The following SOBP variants were observed in gnomAD, a reference collection of about 807,000 sequenced individuals.
SOBP encodes the protein sine oculis binding protein homolog, also known as sine oculis-binding protein homolog.
In SOBP, 4 loss-of-function variants were observed where a neutral mutation model predicts 53.6. The ratio of observed to expected loss-of-function variants is 0.07; its 90% CI spans 0.04 to 0.17. SOBP has a LOEUF of 0.17. SOBP is among the 10% of genes least tolerant of loss of function. The probability of loss-of-function intolerance (pLI) is 1.00; values close to 1 mark genes in which losing one functional copy is unlikely to be tolerated. For synonymous variants in SOBP, 584 were observed against 522.6 expected (o/e 1.12, Z -1.60); for missense variants, 1,088 against 1,204.7 (o/e 0.90, Z 1.43).
chr6:107,634,479 C>T lies in SOBP; in HGVS notation c.1635C>T (p.His545=), dbSNP rs376863861. ...TCCCCATCCCCATCCCTATCCCTCA[C>T]GTCAGCGACTCCAAGCCCCCCAACG... ...VPIPIPIPIP[H]VSDSKPPNGF... The change falls in exon 6 of 7, where the codon CAC becomes CAT. Residue 545 remains histidine, a synonymous_variant. Coordinates refer to ENST00000317357, the MANE Select transcript of SOBP (RefSeq NM_018013.4). This position sits in a 1 kb window ranked among gnomAD's most constrained non-coding sequence, Gnocchi z 4.5. 1.2e-6 allele frequency: 2 copies of T among 1,611,568 alleles called. No individual in the cohort carries two copies. The highest frequency in any genetic ancestry group is 2.2e-5 in the East Asian group (1 of 44,818).
chr6:107,557,400 G>A (rs1460667763), intron 4 of SOBP, among the ~76,000 whole-genome samples: 1 of 152,172 alleles, frequency 6.6e-6, no homozygotes, highest in Non-Finnish European at 1.5e-5. Flanking sequence ...GCAGAAATTT[G>A]TTTTTGCTGT....
At chr6:107,627,898 TTAGTGTTGGTGTGCCC>T (rs1770532957) in intron 5 of SOBP, among the ~76,000 whole-genome samples, 1 of 152,216 alleles carries the variant, frequency 6.6e-6, no homozygotes, top group Non-Finnish European at 1.5e-5. Context: ...AATGGTGAGC[TTAGTGTTGGTGTGCCC>T]TTCCCCATTT....
At chr6:107,514,896 T>C (rs1272657907) in intron 3 of SOBP, 1 of 152,236 alleles carries the variant, frequency 6.6e-6, no homozygotes, top group East Asian at 1.9e-4. Flanking sequence ...ATATGTATAG[T>C]TATAACAGCC....
intron 4 of SOBP, among the ~76,000 whole-genome samples, chr6:107,536,548 G>A (rs1784002929): frequency 6.6e-6 from 1 of 152,162 alleles, no homozygotes; most frequent in African/African-American, 2.4e-5. Flanking sequence ...GGGTTTCTGT[G>A]TTTGTTTAAT....
intron 3 of SOBP, among the ~76,000 whole-genome samples, chr6:107,509,434 T>TA (rs2114954672): frequency 6.6e-6 from 1 of 150,386 alleles, no homozygotes; most frequent in East Asian, 1.9e-4. Context: ...AAAATGTGTG[T>TA]AAAGCCCTTA....
intron 5 of SOBP, among the ~76,000 whole-genome samples, chr6:107,613,783 C>T (rs1200680860): frequency 6.6e-6 from 1 of 152,132 alleles, no homozygotes; most frequent in Non-Finnish European, 1.5e-5. Flanking sequence ...CTGAATAAAT[C>T]AATTTATACT....
intron 3 of SOBP, among the ~76,000 whole-genome samples, chr6:107,519,005 ATG>A (rs1783406453): frequency 6.6e-6 from 1 of 151,738 alleles, no homozygotes; most frequent in South Asian, 2.1e-4. Context: ...TGAAATGCAA[ATG>A]TATCATAGTG....
chr6:107,521,568 C>T (rs538861867), intron 3 of SOBP, among the ~76,000 whole-genome samples: 2 of 152,276 alleles, frequency 1.3e-5, no homozygotes, highest in African/African-American at 4.8e-5. Flanking sequence ...ACCACCTAAG[C>T]CCATCTAAGG....
Position 107,509,388 on chromosome 6 carries a change from C to T in SOBP, c.421+2961C>T, listed in dbSNP as rs184119204. On this transcript the variant is annotated intron_variant, in intron 3 of 6. Coordinates refer to ENST00000317357, the MANE Select transcript of SOBP (RefSeq NM_018013.4). ...CAGCCTGGGCAACAAGAGTGAAACT[C>T]CTGTCTCAAAAAAAAAAAAAAACAA... Among the ~76,000 whole-genome samples, 702 of 148,834 alleles carry T rather than the reference C, an allele frequency of 4.7e-3. 1 individual carries two copies. Among genetic ancestry groups the T allele is most frequent in the Non-Finnish European group, 7.4e-3 (498 of 67,252 alleles).
At chr6:107,577,559 A>G (rs1785267982) in intron 4 of SOBP, among the ~76,000 whole-genome samples, 1 of 152,230 alleles carries the variant, frequency 6.6e-6, no homozygotes, top group South Asian at 2.1e-4. Flanking sequence ...AATACAGGAG[A>G]CAAGATAGCA....
rs376634612 is a variant in SOBP at position 107,552,152 on chromosome 6, G to A, written c.573+18542G>A. On this transcript the variant is annotated intron_variant, in intron 4 of 6. Coordinates refer to ENST00000317357, the MANE Select transcript of SOBP (RefSeq NM_018013.4). ...GGTTGGGGGCCTTCAATTTCTCACC[G>A]TTGGATGGATTCTCTTTGACCTTAA... Among the ~76,000 whole-genome samples the A allele has an allele frequency of 1.1e-4, 16 of 152,162 alleles. 1 individual carries two copies. The East Asian group carries it at 1.2e-3, about 11-fold the overall frequency.
At chr6:107,576,014 C>G (rs1785213919) in intron 4 of SOBP, among the ~76,000 whole-genome samples, 1 of 152,224 alleles carries the variant, frequency 6.6e-6, no homozygotes, top group Non-Finnish European at 1.5e-5. Flanking sequence ...TCACCTCCAT[C>G]TTCGCATTTG....
At chr6:107,548,653 AG>A (rs1356807396) in intron 4 of SOBP, among the ~76,000 whole-genome samples, 1 of 152,108 alleles carries the variant, frequency 6.6e-6, no homozygotes, top group Non-Finnish European at 1.5e-5. Context: ...TAGTGAATTA[AG>A]GGCTGGGTGC....
At chr6:107,652,563 A>G (rs558649978) in intron 6 of SOBP, among the ~76,000 whole-genome samples, 9 of 152,234 alleles carry the variant, frequency 5.9e-5, no homozygotes, top group Non-Finnish European at 7.3e-5. Context: ...GATTTAGACT[A>G]TTCCATAAAC....
At chr6:107,502,028 T>C (rs894377227) in intron 1 of SOBP, among the ~76,000 whole-genome samples, 1 of 152,170 alleles carries the variant, frequency 6.6e-6, no homozygotes, top group African/African-American at 2.4e-5. Context: ...ATTGACCCAG[T>C]TGGAGTTCAG....
At chr6:107,633,395 C>A in intron 5 of SOBP, 119 bp from the exon 6 acceptor site, 1 of 1,245,634 alleles carries the variant, frequency 8.0e-7, no homozygotes. Context: ...GGAAACAGTT[C>A]TGCCTGTTTG....
intron 4 of SOBP, among the ~76,000 whole-genome samples, chr6:107,542,063 A>G (rs984458713): frequency 3.3e-5 from 5 of 152,188 alleles, no homozygotes; most frequent in African/African-American, 1.2e-4. Flanking sequence ...CCTGTCTTAA[A>G]GGGACTTACA....
chr6:107,612,152 C>T (rs765359466), intron 5 of SOBP, among the ~76,000 whole-genome samples: 18 of 152,192 alleles, frequency 1.2e-4, no homozygotes, highest in Non-Finnish European at 2.4e-4. Flanking sequence ...CTCCACTGCC[C>T]ATTCTGACTT....
At chr6:107,531,296 T>C (rs996942889) in intron 3 of SOBP, among the ~76,000 whole-genome samples, 2 of 152,258 alleles carry the variant, frequency 1.3e-5, no homozygotes, top group Admixed American at 6.5e-5. Flanking sequence ...TAAATTTTTT[T>C]CCTTACAGAT....
Sources: gnomAD v4.1 joint callset for allele counts (sites outside exome capture counted in the v4.1 genomes callset) on GRCh38, gnomAD v4.1.1 for gene constraint, Gnocchi (gnomAD v3.1) non-coding constraint, MANE v1.5 for transcripts, NCBI Gene and HGNC (gene_info 2026-07-23, HGNC 2026-07-21) for gene names.